LCOR: variants seen among roughly 807,000 people sequenced by gnomAD.
The protein encoded by LCOR is ligand-dependent corepressor.
Under a neutral mutation model 64.4 loss-of-function variants are expected in LCOR, and 14 were observed. The ratio of observed to expected loss-of-function variants is 0.22; its 90% CI spans 0.14 to 0.34. The LOEUF (loss-of-function observed/expected upper bound fraction) is 0.34. Among genes scored for constraint, LCOR ranks in the 10% least tolerant of loss-of-function variants. LCOR has a pLI of 1.00. For synonymous variants in LCOR, 643 were observed against 642.5 expected (o/e 1.00, Z -0.01); for missense variants, 1,686 against 1,765.3 (o/e 0.96, Z 0.80).
chr10:96,957,105 C>T (rs1021197996), intron 7 of LCOR: 26 of 984,928 alleles, frequency 2.6e-5, no homozygotes, highest in South Asian at 9.4e-5. Flanking sequence ...AAGTCAAGCT[C>T]ATTGGAATTC....
At chr10:96,926,867 T>G (rs1204592730) in intron 4 of LCOR, among the ~76,000 whole-genome samples, 1 of 152,196 alleles carries the variant, frequency 6.6e-6, no homozygotes, top group East Asian at 1.9e-4. Context: ...TATAAGCTTT[T>G]GTTCCTTTTT....
Position 96,920,702 on chromosome 10 carries a change from A to G in LCOR, c.-184+12955A>G, listed in dbSNP as rs373214669. ...TTCATATATGTGTATATATGTTCATATATGTGTGTATATATGTATATATGT... is the reference window on the plus strand; with the variant it reads ...TTCATATATGTGTATATATGTTCATGTATGTGTGTATATATGTATATATGT... On this transcript the variant is annotated intron_variant, in intron 4 of 7. Transcript: ENST00000421806. 2.7e-5 allele frequency among the ~76,000 whole-genome samples: 4 copies of G among 145,626 alleles called. No homozygotes were observed. In the East Asian group the frequency reaches 7.8e-4, roughly 29 times the overall value.
Position 96,949,094 on chromosome 10 carries a change from A to C in LCOR, c.37A>C (p.Thr13Pro). ...GATCCAACAATTTGCTGCTGAATAT[A>C]CCTCAAAAAATAGCTCTACTCAGGA... ...RMIQQFAAEY[T>P]SKNSSTQDPS... The change falls in exon 6 of 8, where the codon ACC (threonine) becomes CCC (proline). Residue 13 changes from threonine to proline, a missense_variant. Coordinates refer to ENST00000421806, the MANE Select transcript of LCOR (RefSeq NM_001346516.2). 6.2e-7 allele frequency: 1 copy of C among 1,613,954 alleles called. No homozygotes were observed. The highest frequency in any genetic ancestry group is 8.5e-7 in the Non-Finnish European group (1 of 1,179,942).
intron 2 of LCOR, among the ~76,000 whole-genome samples, chr10:96,868,789 C>T (rs888733960): frequency 1.3e-5 from 2 of 152,130 alleles, no homozygotes; most frequent in Non-Finnish European, 2.9e-5. Context: ...AAGTTTTAAG[C>T]CTCTTGATGA....
At chr10:96,864,528 C>T (rs903353603) in intron 2 of LCOR, among the ~76,000 whole-genome samples, 3 of 152,074 alleles carry the variant, frequency 2.0e-5, no homozygotes, top group Non-Finnish European at 4.4e-5. Flanking sequence ...GCTCGCATGG[C>T]ACTTAGAATA....
rs550588506 is a variant in LCOR, at chr10:96,878,713, A to T, written c.-329-28552A>T. On this transcript the variant is annotated intron_variant, in intron 2 of 7. Coordinates refer to ENST00000421806, the MANE Select transcript of LCOR (RefSeq NM_001346516.2). ...GATGGCCTTTCATTGTCAGACTCAT[A>T]TTGTTCATTAATCATGATTTCTCAT... is the stretch of plus-strand genomic sequence containing the variant. Among the ~76,000 whole-genome samples, 65 of 152,210 alleles carry T rather than the reference A, an allele frequency of 4.3e-4. 1 individual carries two copies. The highest frequency in any genetic ancestry group is 3.9e-4 in the East Asian group (2 of 5,174).
At chr10:96,877,711 A>C (rs983146238) in intron 2 of LCOR, among the ~76,000 whole-genome samples, 5 of 136,646 alleles carry the variant, frequency 3.7e-5, no homozygotes, top group African/African-American at 1.4e-4. Context: ...TCCCGGGTTC[A>C]CGCCATTCTC....
At chr10:96,974,722 A>G (rs1053128837) in intron 7 of LCOR, among the ~76,000 whole-genome samples, 4 of 152,242 alleles carry the variant, frequency 2.6e-5, no homozygotes, top group Non-Finnish European at 5.9e-5. Context: ...AAAATTGAAT[A>G]ACTAGAAGCA....
Position 96,983,181 on chromosome 10 carries a change from C to T in LCOR, c.2721C>T (p.Ile907=). ...AGGAGGGCGAAGGCGGGGGGATCAT[C>T]ACCAGGCAGACTTTGAAAAACATGC... ...AEQEGEGGGI[I]TRQTLKNMLD... The change falls in exon 8 of 8, where the codon ATC becomes ATT. Residue 907 remains isoleucine, a synonymous_variant. Transcript: ENST00000421806. This position sits in a 1 kb window ranked among gnomAD's most constrained non-coding sequence, Gnocchi z 4.5. 1 of 1,614,096 alleles carries T rather than the reference C, an allele frequency of 6.2e-7. No homozygotes were observed. Among genetic ancestry groups the T allele is most frequent in the Admixed American group, 1.7e-5 (1 of 60,020 alleles).
chr10:96,949,398 T>C, intron 6 of LCOR, 103 bp downstream of exon 6: 2 of 1,002,766 alleles, frequency 2.0e-6, no homozygotes, highest in Non-Finnish European at 3.0e-6. Context: ...AATAATAGCA[T>C]AAAAACTAAT....
Position 96,980,851 on chromosome 10 carries a change from G to A in LCOR, c.391G>A (p.Glu131Lys). The A allele has an allele frequency of 1.4e-6, 1 of 702,974 alleles. No homozygotes were observed. Among genetic ancestry groups the A allele is most frequent in the Non-Finnish European group, 2.6e-6 (1 of 385,000 alleles). 43.5% of individuals were successfully genotyped at this position (702,974 alleles called of 1,614,324 possible). A position where few individuals can be genotyped will look rare whatever the true frequency, so the allele number is the denominator to read the frequency against. ...DSNNQSKSPL[E>K]KFMVKLCTHH... ...TAACAATCAGTCGAAGTCCCCACTGGAGAAATTTATGGTCAAACTGTGTAC... is the reference window on the plus strand; with the variant it reads ...TAACAATCAGTCGAAGTCCCCACTGAAGAAATTTATGGTCAAACTGTGTAC... The change falls in exon 8 of 8, where the codon GAG becomes AAG. Residue 131 changes from glutamate (E) to lysine (K), a missense_variant. Physicochemically the swap from Glu to Lys is moderately conservative, Grantham distance 56. This residue lies in a region of LCOR where 313 missense variants were observed against 247.2 expected (regional missense o/e 1.27). Coordinates refer to ENST00000421806, the MANE Select transcript of LCOR (RefSeq NM_001346516.2).
intron 7 of LCOR, chr10:96,961,484 A>G (rs1223314082): frequency 6.6e-6 from 1 of 152,164 alleles, no homozygotes; most frequent in Non-Finnish European, 1.5e-5. Flanking sequence ...TACCAAAAAA[A>G]TCTAAAGCAG....
chr10:96,838,994 T>A (rs1415820201), intron 2 of LCOR, among the ~76,000 whole-genome samples: 1 of 152,240 alleles, frequency 6.6e-6, no homozygotes, highest in South Asian at 2.1e-4. Context: ...TGTTGTTATC[T>A]GTTTTGATTA....
Position 96,920,644 on chromosome 10 carries a change from GTA to G in LCOR, c.-184+12903_-184+12904del, listed in dbSNP as rs577248160. Among the ~76,000 whole-genome samples, 21 of 138,300 alleles carry G rather than the reference GTA, an allele frequency of 1.5e-4. 1 individual carries two copies. The South Asian group carries it at 4.0e-3, about 26-fold the overall frequency. The allele number at this position is 138,300 out of a possible 152,430, so 90.7% of individuals were successfully genotyped here. On this transcript the variant is annotated intron_variant, in intron 4 of 7. Coordinates refer to ENST00000421806, the MANE Select transcript of LCOR (RefSeq NM_001346516.2). The stretch of plus-strand genomic sequence containing the variant: ...TATATGTATGTACATTCATATATGT[GTA>G]TATATGTGTATATATGTATATATGT...
intron 4 of LCOR, chr10:96,916,028 CATTTATTT>C (rs534345453): frequency 6.0e-6 from 1 of 167,340 alleles, no homozygotes; most frequent in Non-Finnish European, 1.3e-5. Context: ...TTTATTTATT[CATTTATTT>C]ATTTATTTAT....
chr10:96,938,596 T>C (rs535973780), intron 4 of LCOR, among the ~76,000 whole-genome samples: 9 of 152,224 alleles, frequency 5.9e-5, no homozygotes, highest in African/African-American at 1.4e-4. Context: ...GGTAAAACTG[T>C]CTTGGTTTTA....
rs537115346 is a variant in LCOR, at chr10:96,889,407, G to A, written c.-329-17858G>A. On this transcript the variant is annotated intron_variant, in intron 2 of 7. Transcript: ENST00000421806. ...TTTCTTATAGTTCTGAAGGCTGGAA[G>A]TACAGATCAAGGTCCGGCAGTGTTG... 3.3e-5 allele frequency among the ~76,000 whole-genome samples: 5 copies of A among 152,324 alleles called. No homozygotes were observed. In the East Asian group the frequency reaches 7.7e-4, roughly 23 times the overall value.
At position 96,981,854 on chromosome 10, in the gene LCOR, A is replaced by G; in HGVS notation, c.1394A>G (p.Asp465Gly). 1 of 1,614,234 alleles carries G rather than the reference A, an allele frequency of 6.2e-7. No individual in the cohort carries two copies. The highest frequency in any genetic ancestry group is 8.5e-7 in the Non-Finnish European group (1 of 1,180,036). ...SKRASGLRIN[D>G]YDNQCDVVYI... is the part of the protein sequence containing the mutation. ...AGGGCATCAGGGCTGAGGATAAATG[A>G]TTATGATAACCAGTGTGATGTTGTT... Residue 465 changes from aspartate (D) to glycine (G), a missense_variant, in exon 8 of 8, where the codon GAT (aspartate) becomes GGT (glycine). Transcript: ENST00000421806.
intron 4 of LCOR, among the ~76,000 whole-genome samples, chr10:96,934,896 C>G (rs1038227371): frequency 6.6e-6 from 1 of 152,236 alleles, no homozygotes; most frequent in African/African-American, 2.4e-5. Context: ...GCCACCGCAC[C>G]TGGTCTGAAT....
Sources: allele counts gnomAD v4.1 joint callset (sites outside exome capture counted in the v4.1 genomes callset), GRCh38; gene constraint gnomAD v4.1.1; regional missense constraint gnomAD v4.1.1; non-coding constraint Gnocchi (gnomAD v3.1); transcripts MANE v1.5; gene names NCBI Gene and HGNC (gene_info 2026-07-23, HGNC 2026-07-21).